The following DISP1 variants were observed in gnomAD, a reference collection of about 807,000 sequenced individuals.
The protein encoded by DISP1 is dispatched RND transporter family member 1.
A neutral mutation model predicts 37.3 loss-of-function variants in DISP1; 30 were observed. That is an observed-to-expected ratio of 0.80 (90% CI 0.60 to 1.09). DISP1 has a LOEUF of 1.09. Among genes scored for constraint, DISP1 ranks in the 50% least tolerant of loss-of-function variants. DISP1 has a pLI of 0.00. For missense variants in DISP1, 1,598 were observed against 1,879.5 expected (o/e 0.85, Z 2.77); for synonymous variants, 634 against 690.2 (o/e 0.92, Z 1.28).
chr1:222,891,346 A>T (rs1403811577), intron 1 of DISP1, among the ~76,000 whole-genome samples: 1 of 152,170 alleles, frequency 6.6e-6, no homozygotes, highest in African/African-American at 2.4e-5. Flanking sequence ...GCTGTGATGA[A>T]AGTATTTTCA....
At chr1:222,925,939 G>A (rs1349064980) in intron 1 of DISP1, among the ~76,000 whole-genome samples, 3 of 152,094 alleles carry the variant, frequency 2.0e-5, no homozygotes, top group East Asian at 1.9e-4. Flanking sequence ...AGTCACATCC[G>A]AAAAAATTCA....
chr1:222,890,216 T>G (rs556086000), intron 1 of DISP1, among the ~76,000 whole-genome samples: 17 of 152,318 alleles, frequency 1.1e-4, no homozygotes, highest in African/African-American at 3.1e-4. Flanking sequence ...CTATTGGAGT[T>G]TATGCATTAG....
chr1:222,944,050 A>G (rs1674581047), intron 3 of DISP1, among the ~76,000 whole-genome samples: 1 of 152,022 alleles, frequency 6.6e-6, no homozygotes, highest in Non-Finnish European at 1.5e-5. Flanking sequence ...AGAAACAACA[A>G]CAACAACAAA....
At position 223,004,359 on chromosome 1, in the gene DISP1, A is replaced by T. The variant is rs754978377; in HGVS notation, c.2962A>T (p.Met988Leu). The T allele has an allele frequency of 6.2e-7, 1 of 1,614,070 alleles. No individual in the cohort carries two copies. Among genetic ancestry groups the T allele is most frequent in the Non-Finnish European group, 8.5e-7 (1 of 1,180,026 alleles). ...DSLSDGTLIA[M>L]GLSVAVAFSV... ...CCTCTCCGATGGCACCCTCATTGCC[A>T]TGGGGCTGTCAGTTGCTGTTGCATT... Residue 988 changes from methionine to leucine, a missense_variant, in exon 9 of 9, where the codon ATG becomes TTG. Transcript: ENST00000675850. This position sits in a 1 kb window ranked among gnomAD's most constrained non-coding sequence, Gnocchi z 4.9.
intron 8 of DISP1, among the ~76,000 whole-genome samples, chr1:223,001,928 G>A (rs920349428): frequency 6.6e-6 from 1 of 152,200 alleles, no homozygotes; most frequent in African/African-American, 2.4e-5. Context: ...ATTTCATGCT[G>A]ATAACCAGAA....
chr1:222,836,891 ACT>A, intron 1 of DISP1: 2 of 390,976 alleles, frequency 5.1e-6, no homozygotes, highest in Non-Finnish European at 9.0e-6. Context: ...TAGGTAAATA[ACT>A]CTGATTTTCA....
intron 3 of DISP1, among the ~76,000 whole-genome samples, chr1:222,959,284 A>T (rs1268803613): frequency 6.6e-6 from 1 of 152,214 alleles, no homozygotes; most frequent in Non-Finnish European, 1.5e-5. Context: ...TTGAACCCTT[A>T]CTATATGCCA....
intron 1 of DISP1, among the ~76,000 whole-genome samples, chr1:222,839,068 T>C (rs987601042): frequency 3.3e-5 from 5 of 152,182 alleles, no homozygotes; most frequent in South Asian, 2.1e-4. Context: ...ATTTATTTTA[T>C]TGAGACATTG....
intron 1 of DISP1, among the ~76,000 whole-genome samples, chr1:222,925,528 C>T (rs916885563): frequency 2.0e-5 from 3 of 151,940 alleles, no homozygotes; most frequent in Admixed American, 2.0e-4. Flanking sequence ...ATCAGCATAC[C>T]CTAAGATTTT....
chr1:222,918,173 A>G (rs1444588434), intron 1 of DISP1, among the ~76,000 whole-genome samples: 5 of 152,164 alleles, frequency 3.3e-5, no homozygotes, highest in African/African-American at 1.2e-4. Flanking sequence ...CCAGGCCACA[A>G]TTCTGTTTCA....
At position 222,990,256 on chromosome 1, in the gene DISP1, A is replaced by G. The variant is rs1260118241; in HGVS notation, c.540-369A>G. Among the ~76,000 whole-genome samples, 3 of 152,316 alleles carry G rather than the reference A, an allele frequency of 2.0e-5. No homozygotes were observed. In the East Asian group the frequency reaches 5.8e-4, roughly 29 times the overall value. ...ATTGGAGTATGGATCCTCTGTTAAA[A>G]TTTATTTTCTTTCCACTGATGAAGT... On this transcript the variant is annotated intron_variant, in intron 4 of 8. Transcript: ENST00000675850.
At chr1:222,836,766 C>T (rs1024487235) in intron 1 of DISP1, among the ~76,000 whole-genome samples, 5 of 141,206 alleles carry the variant, frequency 3.5e-5, no homozygotes, top group African/African-American at 5.1e-5. Flanking sequence ...TATATATACA[C>T]ACACACACAC....
Position 222,936,794 on chromosome 1 carries a change from A to ATT in DISP1, c.-17-6013_-17-6012insTT, listed in dbSNP as rs1558339805. 8.7e-3 allele frequency among the ~76,000 whole-genome samples: 657 copies of ATT among 75,550 alleles called. 17 individuals carry two copies. Among genetic ancestry groups the ATT allele is most frequent in the Middle Eastern group, 0.024 (2 of 84 alleles). 49.6% of individuals were successfully genotyped at this position (75,550 alleles called of 152,430 possible). A position where few individuals can be genotyped will look rare whatever the true frequency, so the allele number is the denominator to read the frequency against. ...TATATATATCATATATAATATATAT[A>ATT]ATATATTATATATATAAATTATATA... On this transcript the variant is annotated intron_variant, in intron 2 of 8. Coordinates refer to ENST00000675850, the MANE Select transcript of DISP1 (RefSeq NM_001377229.1).
intron 3 of DISP1, among the ~76,000 whole-genome samples, chr1:222,980,306 G>A (rs1416510594): frequency 6.6e-6 from 1 of 152,096 alleles, no homozygotes; most frequent in African/African-American, 2.4e-5. Flanking sequence ...ATTGAACAGA[G>A]AGCCTATACT....
At chr1:222,935,065 G>GT (rs1351029472) in intron 2 of DISP1, among the ~76,000 whole-genome samples, 10 of 152,144 alleles carry the variant, frequency 6.6e-5, no homozygotes, top group Admixed American at 6.6e-4. Context: ...CTAGTTTGTG[G>GT]TTTTCTCTTG....
chr1:222,931,286 G>GT (rs796685873), intron 2 of DISP1, among the ~76,000 whole-genome samples: 3,109 of 143,618 alleles, frequency 0.022, 91 homozygotes, highest in African/African-American at 0.07. Flanking sequence ...CCTCAGTGAT[G>GT]TTTTTTTTTT....
intron 1 of DISP1, among the ~76,000 whole-genome samples, chr1:222,867,033 A>T (rs1373542423): frequency 6.6e-6 from 1 of 152,216 alleles, no homozygotes; most frequent in Non-Finnish European, 1.5e-5. Flanking sequence ...TTTCTTTTTC[A>T]AAATTGTATC....
intron 2 of DISP1, among the ~76,000 whole-genome samples, chr1:222,935,141 CT>C (rs1184161307): frequency 1.3e-5 from 2 of 152,166 alleles, no homozygotes; most frequent in Non-Finnish European, 2.9e-5. Flanking sequence ...TGCTCCACCC[CT>C]GATGTACTGT....
Position 222,983,083 on chromosome 1 carries a change from A to G in DISP1, c.513A>G (p.Pro171=), listed in dbSNP as rs1174987777. ...PVQQHIANIR[P]SRPFKLPKSY... ...CCTTTGCTTTTTTTTTTTTCAGACC[A>G]TCCAGACCTTTCAAGTTGCCAAAAA... Residue 171 remains proline (P), a synonymous_variant, in exon 4 of 9, where the codon CCA becomes CCG. Coordinates refer to ENST00000675850, the MANE Select transcript of DISP1 (RefSeq NM_001377229.1). The G allele has an allele frequency of 6.2e-7, 1 of 1,603,788 alleles. No homozygotes were observed. Among genetic ancestry groups the G allele is most frequent in the Non-Finnish European group, 8.5e-7 (1 of 1,174,210 alleles).
Sources: gnomAD v4.1 joint callset for allele counts (sites outside exome capture counted in the v4.1 genomes callset) on GRCh38, gnomAD v4.1.1 for gene constraint, Gnocchi (gnomAD v3.1) non-coding constraint, MANE v1.5 for transcripts, NCBI Gene and HGNC (gene_info 2026-07-23, HGNC 2026-07-21) for gene names.